The following CYREN variants were observed in gnomAD, a reference collection of about 807,000 sequenced individuals.
CYREN encodes the protein cell cycle regulator of NHEJ.
A neutral mutation model predicts 9.7 loss-of-function variants in CYREN; 7 were observed. The ratio of observed to expected loss-of-function variants is 0.72; its 90% confidence interval spans 0.41 to 1.36. The LOEUF is 1.36. Ranked by LOEUF, CYREN falls within the 40% of genes most tolerant of loss-of-function variation. CYREN has a pLI of 0.01. For synonymous variants in CYREN, 76 were observed against 77.9 expected (o/e 0.98, Z 0.13); for missense variants, 215 against 198.1 (o/e 1.09, Z -0.51).
chr7:135,158,697 G>A (rs1304007309), intron 2 of CYREN, among the ~76,000 whole-genome samples: 1 of 115,800 alleles, frequency 8.6e-6, no homozygotes. Context: ...CAGACAAGCA[G>A]TGTGGAAAAG....
downstream of CYREN, among the ~76,000 whole-genome samples, chr7:135,163,514 G>A (rs759315909): frequency 7.2e-5 from 11 of 151,960 alleles, no homozygotes; most frequent in South Asian, 2.1e-4. Flanking sequence ...GCATGGTGGC[G>A]GGTGCCTGTA....
intron 2 of CYREN, chr7:135,129,291 T>A: frequency 6.7e-7 from 1 of 1,501,110 alleles, no homozygotes; most frequent in South Asian, 1.1e-5. Context: ...CTTGTGCAGG[T>A]TGACCTACCA....
At chr7:135,135,646 A>G (rs1317763409) in intron 2 of CYREN, 1 of 156,988 alleles carries the variant, frequency 6.4e-6, no homozygotes, top group African/African-American at 2.4e-5. Flanking sequence ...ACTTTAATCA[A>G]TTAGTCAACA....
chr7:135,094,335 A>G, exon 3 of CYREN: 6 of 456,434 alleles, frequency 1.3e-5, no homozygotes, highest in South Asian at 7.8e-5. Context: ...CTGAAATCTG[A>G]AGAGACAGAC....
At chr7:135,152,270 G>A (rs1829682045) in intron 2 of CYREN, among the ~76,000 whole-genome samples, 1 of 152,214 alleles carries the variant, frequency 6.6e-6, no homozygotes, top group Non-Finnish European at 1.5e-5. Context: ...CTCAGAACCA[G>A]TATTCCACAC....
intron 1 of CYREN, chr7:135,169,347 C>A (rs1830480429): frequency 6.5e-6 from 1 of 154,498 alleles, no homozygotes; most frequent in African/African-American, 2.4e-5. Flanking sequence ...GGCGGAGGCC[C>A]CTAATGTTCC....
intron 2 of CYREN, among the ~76,000 whole-genome samples, chr7:135,096,755 GAA>G (rs1491425391): frequency 1.5e-5 from 2 of 132,288 alleles, no homozygotes; most frequent in Non-Finnish European, 3.2e-5. Context: ...AAGAAAGAAA[GAA>G]AGAAAGAAAG....
chr7:135,167,731 C>G lies in CYREN; in HGVS notation c.213+1G>C. ...TGAGTAAGAGGCTTGTCTGACTTTA[C>G]CTCAATCAGGATTCCCAGAGCAACA... On this transcript the variant is annotated splice_donor_variant, in intron 3 of 3. Coordinates refer to ENST00000393114, the MANE Select transcript of CYREN (RefSeq NM_024033.4). LOFTEE classifies it high-confidence loss of function. The G allele has an allele frequency of 6.2e-7, 1 of 1,614,078 alleles. No homozygotes were observed. Among genetic ancestry groups the G allele is most frequent in the Admixed American group, 1.7e-5 (1 of 60,022 alleles).
intron 2 of CYREN, among the ~76,000 whole-genome samples, chr7:135,139,433 G>A (rs993654499): frequency 6.6e-6 from 1 of 150,632 alleles, no homozygotes; most frequent in Non-Finnish European, 1.5e-5. Context: ...TTTTAATGAG[G>A]TTGTTTTTTG....
intron 2 of CYREN, among the ~76,000 whole-genome samples, chr7:135,103,573 T>G (rs1011356354): frequency 2.0e-5 from 3 of 152,236 alleles, no homozygotes; most frequent in Non-Finnish European, 2.9e-5. Context: ...TTCAAGTTTC[T>G]GACATATGGA....
chr7:135,118,277 C>A (rs1250751686), intron 2 of CYREN, among the ~76,000 whole-genome samples: 1 of 152,160 alleles, frequency 6.6e-6, no homozygotes, highest in African/African-American at 2.4e-5. Flanking sequence ...TCATTGAGTG[C>A]ATTTCTAGAT....
chr7:135,160,870 G>C (rs2117460035), downstream of CYREN, among the ~76,000 whole-genome samples: 1 of 152,324 alleles, frequency 6.6e-6, no homozygotes, highest in African/African-American at 2.4e-5. Flanking sequence ...GGCTGAAGGA[G>C]CCCAGGAATG....
At chr7:135,101,191 G>C (rs1177352832) in intron 2 of CYREN, 1 of 456,200 alleles carries the variant, frequency 2.2e-6, no homozygotes, top group South Asian at 1.5e-5. Context: ...GATTTGTATG[G>C]AAACTGTTTC....
chr7:135,145,022 T>C (rs1160533688), intron 2 of CYREN, among the ~76,000 whole-genome samples: 1 of 129,304 alleles, frequency 7.7e-6, no homozygotes, highest in Non-Finnish European at 1.6e-5. Flanking sequence ...GCAAACTGGA[T>C]ACACATTCAA....
At chr7:135,140,513 T>C (rs1322526560) in intron 2 of CYREN, among the ~76,000 whole-genome samples, 1 of 151,946 alleles carries the variant, frequency 6.6e-6, no homozygotes, top group Admixed American at 6.6e-5. Flanking sequence ...TGCAGAGAGA[T>C]AGTTTGACTT....
intron 2 of CYREN, among the ~76,000 whole-genome samples, chr7:135,131,475 A>G (rs1018623901): frequency 6.6e-6 from 1 of 151,962 alleles, no homozygotes; most frequent in Admixed American, 6.6e-5. Flanking sequence ...AAAAATTCTC[A>G]AAGGAAGTAA....
rs962368834 is a variant in CYREN, at chr7:135,129,050, A to G, written n.357-34468T>C. Reference sequence around the variant, plus strand: ...TCCAGATCAGAGATGGCCAGGTTCAATGCCTCAACTGCCCAGAACCAAAGT... The same window carrying G: ...TCCAGATCAGAGATGGCCAGGTTCAGTGCCTCAACTGCCCAGAACCAAAGT... On this transcript the variant is annotated intron_variant and non_coding_transcript_variant, in intron 2 of 2. Transcript: ENST00000459937. 8.7e-6 allele frequency: 14 copies of G among 1,608,776 alleles called. No homozygotes were observed. The African/African-American group carries it at 1.9e-4, about 21-fold the overall frequency.
intron 1 of CYREN, among the ~76,000 whole-genome samples, chr7:135,169,786 G>A (rs995355774): frequency 3.3e-5 from 5 of 152,180 alleles, no homozygotes; most frequent in Admixed American, 3.3e-4. Context: ...AATCAAGCCA[G>A]AAGCTCCTGA....
chr7:135,157,460 AG>A (rs1427791133), intron 2 of CYREN, among the ~76,000 whole-genome samples: 1 of 152,222 alleles, frequency 6.6e-6, no homozygotes, highest in Non-Finnish European at 1.5e-5. Context: ...TGGTGGCAAC[AG>A]TGGGGTAAGT....
Sources: allele counts gnomAD v4.1 joint callset (sites outside exome capture counted in the v4.1 genomes callset), GRCh38; gene constraint gnomAD v4.1.1; transcripts MANE v1.5; gene names NCBI Gene and HGNC (gene_info 2026-07-23, HGNC 2026-07-21).